The following SPTBN1 variants were observed in gnomAD, a reference collection of about 807,000 sequenced individuals.
SPTBN1 encodes spectrin beta, non-erythrocytic 1, also known as spectrin beta chain, non-erythrocytic 1.
Under a neutral mutation model 266.4 loss-of-function variants are expected in SPTBN1, and 32 were observed. The observed-to-expected ratio is 0.12, with a 90% CI of 0.09 to 0.16. The LOEUF (loss-of-function observed/expected upper bound fraction) is 0.16, where lower values mean the gene tolerates loss of function less well. SPTBN1 is among the 10% of genes least tolerant of loss of function. The pLI is 1.00. For missense variants in SPTBN1, 2,296 were observed against 3,067.1 expected, an observed-to-expected ratio of 0.75 and a Z score of 5.94; for synonymous variants, 1,336 against 1,162.2, an observed-to-expected ratio of 1.15 and a Z score of -3.04.
intron 1 of SPTBN1, among the ~76,000 whole-genome samples, chr2:54,501,745 A>G (rs555832008): frequency 5.9e-5 from 9 of 152,270 alleles, no homozygotes; most frequent in Non-Finnish European, 1.3e-4. Context: ...CTTTGCTGGC[A>G]CTGGGCACTG....
chr2:54,630,740 A>G (rs1383764653), intron 15 of SPTBN1, 115 bp from the exon 16 acceptor site: 1 of 1,311,400 alleles, frequency 7.6e-7, no homozygotes, highest in East Asian at 2.6e-5. Flanking sequence ...GCATGTAGTC[A>G]AAGCACAGAT....
At chr2:54,566,930 G>A (rs1673702920) in intron 2 of SPTBN1, among the ~76,000 whole-genome samples, 1 of 152,166 alleles carries the variant, frequency 6.6e-6, no homozygotes, top group Admixed American at 6.5e-5. Flanking sequence ...TACTTTAAAA[G>A]CAGGAAGGAT....
In SPTBN1 at chr2:54,599,328, TC is replaced by T. The variant is rs527367674; in HGVS notation, c.300+86del. 316 of 1,504,148 alleles carry T rather than the reference TC, an allele frequency of 2.1e-4. 1 individual carries two copies. In the African/African-American group the frequency reaches 4.0e-3, roughly 19 times the overall value. The allele number at this position is 1,504,148 out of a possible 1,614,324, so 93.2% of individuals were successfully genotyped here. A position where few individuals can be genotyped will look rare whatever the true frequency, so the allele number is the denominator to read the frequency against. On this transcript the variant is annotated intron_variant, in intron 3 of 35. Coordinates refer to ENST00000356805, the MANE Select transcript of SPTBN1 (RefSeq NM_003128.3). The stretch of plus-strand genomic sequence containing the variant: ...AAGTGTGACTTGTCTCCTGTTGAAT[TC>T]TGCACTTAATGGTTGATAGTTTTGA...
chr2:54,628,248 A>G lies in SPTBN1; in HGVS notation c.1796A>G (p.Glu599Gly). The change falls in exon 13 of 36, where the codon GAA becomes GGA. Residue 599 changes from glutamate (E) to glycine (G), a missense_variant and splice_region_variant. By Grantham distance (98) the Glu-to-Gly change is moderately conservative (BLOSUM62 -2). This residue lies in a region of SPTBN1 where 434 missense variants were observed against 573.9 expected (regional missense o/e 0.76). Coordinates refer to ENST00000356805, the MANE Select transcript of SPTBN1 (RefSeq NM_003128.3). This position sits in a 1 kb window ranked among gnomAD's most constrained non-coding sequence, Gnocchi z 4.3. The stretch of plus-strand genomic sequence containing the variant: ...GCCCAGAAGTTCGCAACAGACGGGG[A>G]AGGTAAGGATGGCCCATTCCAAGCA... ...ASAQKFATDG[E>G]GYKPCDPQVI... 2.5e-6 allele frequency: 4 copies of G among 1,611,770 alleles called. No homozygotes were observed. Among genetic ancestry groups the G allele is most frequent in the South Asian group, 1.1e-5 (1 of 90,736 alleles).
intron 2 of SPTBN1, among the ~76,000 whole-genome samples, chr2:54,561,756 AATATAGTTAT>A (rs1166008943): frequency 6.7e-6 from 1 of 148,488 alleles, no homozygotes; most frequent in Non-Finnish European, 1.5e-5. Flanking sequence ...TTTATATATA[AATATAGTTAT>A]ATATAGTTTA....
chr2:54,628,606 T>G lies in SPTBN1; in HGVS notation c.1799-327T>G, dbSNP rs2103918602. ...GCATATACCTCTCTTTGGAGGATGT[T>G]TAGAATGATTTGGTTATGCTTCGTG... On this transcript the variant is annotated intron_variant, in intron 13 of 35. Coordinates refer to ENST00000356805, the MANE Select transcript of SPTBN1 (RefSeq NM_003128.3). This position sits in a 1 kb window ranked among gnomAD's most constrained non-coding sequence, Gnocchi z 4.3. Among the ~76,000 whole-genome samples, 1 of 152,320 alleles carries G rather than the reference T, an allele frequency of 6.6e-6. No individual in the cohort carries two copies. Among genetic ancestry groups the G allele is most frequent in the South Asian group, 2.1e-4 (1 of 4,826 alleles).
Position 54,668,494 on chromosome 2 carries a change from C to T in SPTBN1, c.7020C>T (p.Ser2340=). Reference sequence around the variant, plus strand: ...GCGTCGTCACCATCACCAGCGAGTCCAGTCCCGGCAAGCGGGAAAAGGACA... The same window carrying T: ...GCGTCGTCACCATCACCAGCGAGTCTAGTCCCGGCAAGCGGGAAAAGGACA... ...PTSVVTITSE[S]SPGKREKDKE... Residue 2340 remains serine (S), a synonymous_variant, in exon 36 of 36, where the codon TCC becomes TCT. Coordinates refer to ENST00000356805, the MANE Select transcript of SPTBN1 (RefSeq NM_003128.3). 6.2e-7 allele frequency: 1 copy of T among 1,614,206 alleles called. No individual in the cohort carries two copies. Among genetic ancestry groups the T allele is most frequent in the Non-Finnish European group, 8.5e-7 (1 of 1,180,030 alleles).
chr2:54,503,864 T>C (rs2104142888), intron 1 of SPTBN1, among the ~76,000 whole-genome samples: 1 of 152,322 alleles, frequency 6.6e-6, no homozygotes, highest in Middle Eastern at 3.4e-3. Context: ...TTTGGTGCTG[T>C]CATAATCTAT....
Position 54,642,967 on chromosome 2 carries a change from T to G in SPTBN1, c.3859-16T>G. On this transcript the variant is annotated splice_polypyrimidine_tract_variant and intron_variant, in intron 18 of 35. Coordinates refer to ENST00000356805, the MANE Select transcript of SPTBN1 (RefSeq NM_003128.3). ...TCTAGGATCACAATCTCTGAATCCT[T>G]CTGATCTTTCTGTAGCTGTCTCTCT... The G allele has an allele frequency of 1.2e-6, 2 of 1,609,328 alleles. No homozygotes were observed. Among genetic ancestry groups the G allele is most frequent in the Non-Finnish European group, 1.7e-6 (2 of 1,177,412 alleles).
At chr2:54,472,320 C>T (rs1304164417) in intron 1 of SPTBN1, among the ~76,000 whole-genome samples, 1 of 152,086 alleles carries the variant, frequency 6.6e-6, no homozygotes, top group East Asian at 1.9e-4. Context: ...AGCCACTGCG[C>T]CCAGCCTGAA....
intron 1 of SPTBN1, among the ~76,000 whole-genome samples, chr2:54,497,699 C>T (rs1174804442): frequency 6.6e-6 from 1 of 152,138 alleles, no homozygotes; most frequent in East Asian, 1.9e-4. Flanking sequence ...TTAAAGACTG[C>T]CTTGATGCCA....
chr2:54,629,594 G>T lies in SPTBN1; in HGVS notation c.2460G>T (p.Val820=). ...LPQEHAESPD[V]RGRLSGIEER... is the part of the protein sequence containing the mutation. ...AGGAGCATGCCGAGTCTCCAGACGT[G>T]AGGGGCAGGCTGTCGGGCATCGAGG... The change falls in exon 14 of 36, where the codon GTG becomes GTT. Residue 820 remains valine, a synonymous_variant. Coordinates refer to ENST00000356805, the MANE Select transcript of SPTBN1 (RefSeq NM_003128.3). 1 of 1,614,052 alleles carries T rather than the reference G, an allele frequency of 6.2e-7. No homozygotes were observed. Among genetic ancestry groups the T allele is most frequent in the Non-Finnish European group, 8.5e-7 (1 of 1,180,036 alleles).
At chr2:54,542,747 C>G (rs1342784262) in intron 2 of SPTBN1, among the ~76,000 whole-genome samples, 2 of 152,048 alleles carry the variant, frequency 1.3e-5, no homozygotes, top group African/African-American at 4.8e-5. Flanking sequence ...GCCTTTTCAA[C>G]TGTTGAATTA....
chr2:54,664,156 T>G lies in SPTBN1; in HGVS notation c.6421-297T>G, dbSNP rs1373884408. Reference sequence around the variant, plus strand: ...TTACTGTTGTCTTTTTGTTTTAAAGTAACCATAAGAGGAGATGATCTGAGT... The same window carrying G: ...TTACTGTTGTCTTTTTGTTTTAAAGGAACCATAAGAGGAGATGATCTGAGT... On this transcript the variant is annotated intron_variant, in intron 32 of 35. Transcript: ENST00000356805. The surrounding 1 kb of genome is among the most constrained non-coding windows in gnomAD (Gnocchi z 5.6). 3.7e-6 allele frequency: 1 copy of G among 271,366 alleles called. No homozygotes were observed. The highest frequency in any genetic ancestry group is 6.9e-6 in the Non-Finnish European group (1 of 145,146). 16.8% of individuals were successfully genotyped at this position (271,366 alleles called of 1,614,324 possible).
chr2:54,515,997 G>C (rs1253955469), intron 1 of SPTBN1: 1 of 152,200 alleles, frequency 6.6e-6, no homozygotes, highest in Admixed American at 6.5e-5. Context: ...AAGGAGACCT[G>C]GCTGGGTGGG....
In SPTBN1 at chr2:54,558,574, G is replaced by T; in HGVS notation, c.148+32008G>T. On this transcript the variant is annotated intron_variant, in intron 2 of 35. Coordinates refer to ENST00000356805, the MANE Select transcript of SPTBN1 (RefSeq NM_003128.3). This position sits in a 1 kb window ranked among gnomAD's most constrained non-coding sequence, Gnocchi z 4.6. ...AAGAAGGGAAAGCAAGAAATTAGAT[G>T]CCTGTGTGGTAACTCCTCGCGGAGC... is the stretch of plus-strand genomic sequence containing the variant. 6 of 1,347,434 alleles carry T rather than the reference G, an allele frequency of 4.5e-6. No individual in the cohort carries two copies. The South Asian group carries it at 1.0e-4, about 22-fold the overall frequency. 83.5% of individuals were successfully genotyped at this position (1,347,434 alleles called of 1,614,324 possible). A position where few individuals can be genotyped will look rare whatever the true frequency, so the allele number is the denominator to read the frequency against.
chr2:54,663,556 G>A (rs1681188231), intron 32 of SPTBN1: 1 of 152,224 alleles, frequency 6.6e-6, no homozygotes, highest in African/African-American at 2.4e-5. Flanking sequence ...GAACGCTCCC[G>A]AAGACGTCTC....
intron 27 of SPTBN1, among the ~76,000 whole-genome samples, chr2:54,654,262 G>C (rs1032820620): frequency 6.6e-6 from 1 of 152,144 alleles, no homozygotes; most frequent in Non-Finnish European, 1.5e-5. Context: ...TTGGATTAAA[G>C]ACCACTCTAT....
At chr2:54,587,432 G>T (rs146153452) in intron 2 of SPTBN1, among the ~76,000 whole-genome samples, 2 of 152,134 alleles carry the variant, frequency 1.3e-5, no homozygotes, top group African/African-American at 2.4e-5. Flanking sequence ...GTCTGTATTC[G>T]TGTTAACGTT....
Sources: gnomAD v4.1 joint callset for allele counts (sites outside exome capture counted in the v4.1 genomes callset) on GRCh38, gnomAD v4.1.1 for gene constraint, gnomAD v4.1.1 regional missense constraint, Gnocchi (gnomAD v3.1) non-coding constraint, MANE v1.5 for transcripts, NCBI Gene and HGNC (gene_info 2026-07-23, HGNC 2026-07-21) for gene names.